Variants in PPFIBP1 observed in about 807,000 individuals in gnomAD.
PPFIBP1 encodes liprin-beta-1.
Under a neutral mutation model 137.8 loss-of-function variants are expected in PPFIBP1, and 112 were observed. That is an observed-to-expected ratio of 0.81 (90% confidence interval 0.70 to 0.95). The LOEUF is 0.95. Ranked by LOEUF, PPFIBP1 falls within the 40% of genes least tolerant of loss-of-function variation. The probability of loss-of-function intolerance (pLI) is 0.00; values close to 1 mark genes in which losing one functional copy is unlikely to be tolerated. For synonymous variants in PPFIBP1, 378 were observed against 417.3 expected, an observed-to-expected ratio of 0.91 and a Z score of 1.15; for missense variants, 1,083 against 1,196.6, an observed-to-expected ratio of 0.91 and a Z score of 1.40.
chr12:27,674,053 G>T, intron 16 of PPFIBP1, 139 bp from the exon 17 acceptor site: 1 of 848,732 alleles, frequency 1.2e-6, no homozygotes, highest in Non-Finnish European at 1.8e-6. Context: ...AAAACATTTT[G>T]GAAAATAAAC....
At chr12:27,639,854 G>A (rs1269891850) in intron 4 of PPFIBP1, among the ~76,000 whole-genome samples, 1 of 152,096 alleles carries the variant, frequency 6.6e-6, no homozygotes, top group Non-Finnish European at 1.5e-5. Flanking sequence ...CTCTCTGCAG[G>A]GCTGCTGGCT....
At chr12:27,578,456 G>T (rs1460350915) in intron 2 of PPFIBP1, among the ~76,000 whole-genome samples, 10 of 152,164 alleles carry the variant, frequency 6.6e-5, no homozygotes, top group Admixed American at 3.3e-4. Context: ...TTTAGACGCG[G>T]TGTGGCAGGC....
chr12:27,555,901 A>G (rs1169647444), intron 1 of PPFIBP1, among the ~76,000 whole-genome samples: 1 of 152,198 alleles, frequency 6.6e-6, no homozygotes, highest in African/African-American at 2.4e-5. Flanking sequence ...GACTTTGCAT[A>G]AAAAAAGCAA....
chr12:27,597,130 T>C (rs2053407868), intron 2 of PPFIBP1, among the ~76,000 whole-genome samples: 1 of 152,248 alleles, frequency 6.6e-6, no homozygotes, highest in African/African-American at 2.4e-5. Flanking sequence ...ATGGTGTCCA[T>C]ATTTGGGGCA....
chr12:27,646,095 T>C lies in PPFIBP1; in HGVS notation c.304T>C (p.Tyr102His), dbSNP rs373923026. 32 of 1,611,850 alleles carry C rather than the reference T, an allele frequency of 2.0e-5. No homozygotes were observed. Among genetic ancestry groups the C allele is most frequent in the Admixed American group, 6.7e-5 (4 of 59,996 alleles). ...NGHLPGNGDV[Y>H]QERLARLEND... Reference sequence around the variant, plus strand: ...ACACCTACCAGGGAACGGAGATGTGTATCAAGAAAGGCTGGCACGTTTAGA... The same window carrying C: ...ACACCTACCAGGGAACGGAGATGTGCATCAAGAAAGGCTGGCACGTTTAGA... The change falls in exon 5 of 30, where the codon TAT (tyrosine) becomes CAT (histidine). Residue 102 changes from tyrosine (Y) to histidine (H), a missense_variant. By Grantham distance (83) the Tyr-to-His change is moderately conservative. Transcript: ENST00000228425.
intron 1 of PPFIBP1, among the ~76,000 whole-genome samples, chr12:27,576,383 A>G (rs1422861800): frequency 2.0e-5 from 3 of 152,108 alleles, no homozygotes; most frequent in Non-Finnish European, 4.4e-5. Context: ...GAAACCCGCC[A>G]TGTCTTGTTC....
rs114239986 is a variant in PPFIBP1, at chr12:27,664,709, A to G, written c.991+263A>G. On this transcript the variant is annotated intron_variant, in intron 12 of 29. Coordinates refer to ENST00000228425, the MANE Select transcript of PPFIBP1 (RefSeq NM_003622.4). Reference sequence around the variant, plus strand: ...TCCAGAGAGAGAAAAACGACAGTATATGCAGAGAGCCTAGGGGGAAAAGAA... The same window carrying G: ...TCCAGAGAGAGAAAAACGACAGTATGTGCAGAGAGCCTAGGGGGAAAAGAA... Among the ~76,000 whole-genome samples, 390 of 152,354 alleles carry G rather than the reference A, an allele frequency of 2.6e-3. 3 individuals carry two copies. The highest frequency in any genetic ancestry group is 9.1e-3 in the African/African-American group (377 of 41,582).
At chr12:27,658,027 T>C (rs949134505) in intron 9 of PPFIBP1, among the ~76,000 whole-genome samples, 9 of 151,588 alleles carry the variant, frequency 5.9e-5, no homozygotes, top group African/African-American at 1.5e-4. Context: ...TCCCACCTAC[T>C]TGGGAGGCTG....
At chr12:27,543,883 T>A (rs1400108598) in intron 1 of PPFIBP1, among the ~76,000 whole-genome samples, 1 of 142,378 alleles carries the variant, frequency 7.0e-6, no homozygotes, top group Non-Finnish European at 1.5e-5. Flanking sequence ...GCCCCTGCTT[T>A]TTTTTTTTTT....
At position 27,672,167 on chromosome 12, in the gene PPFIBP1, G is replaced by C. The variant is rs190628943; in HGVS notation, c.1263-260G>C. Among the ~76,000 whole-genome samples the C allele has an allele frequency of 5.5e-3, 836 of 152,322 alleles. 7 individuals are homozygous for C. The highest frequency in any genetic ancestry group is 0.019 in the African/African-American group (809 of 41,574). ...TGTAAACTAAATAGTCACAGTCACG[G>C]GCTGTAAGTGTGTTTGAAGGATGGG... is the stretch of plus-strand genomic sequence containing the variant. On this transcript the variant is annotated intron_variant, in intron 14 of 29. Coordinates refer to ENST00000228425, the MANE Select transcript of PPFIBP1 (RefSeq NM_003622.4).
At chr12:27,620,200 A>G (rs1380402676) in intron 2 of PPFIBP1, among the ~76,000 whole-genome samples, 1 of 152,168 alleles carries the variant, frequency 6.6e-6, no homozygotes, top group Non-Finnish European at 1.5e-5. Flanking sequence ...AGATCATGTC[A>G]TTCCTTGGCT....
intron 1 of PPFIBP1, among the ~76,000 whole-genome samples, chr12:27,558,868 A>C (rs1177245605): frequency 6.6e-6 from 1 of 151,316 alleles, no homozygotes; most frequent in Non-Finnish European, 1.5e-5. Context: ...TTTTCTTTTT[A>C]TTTATTTTTA....
chr12:27,642,860 T>C (rs1220139838), intron 4 of PPFIBP1, among the ~76,000 whole-genome samples: 1 of 151,738 alleles, frequency 6.6e-6, no homozygotes, highest in Non-Finnish European at 1.5e-5. Flanking sequence ...AAAGTAGAAG[T>C]GGAATGATGA....
intron 2 of PPFIBP1, among the ~76,000 whole-genome samples, chr12:27,594,401 C>T (rs754027125): frequency 2.6e-5 from 4 of 152,170 alleles, no homozygotes; most frequent in Non-Finnish European, 5.9e-5. Flanking sequence ...TGGTTTTGAA[C>T]TCCTCACCTC....
chr12:27,561,502 C>T (rs1469842175), intron 1 of PPFIBP1, among the ~76,000 whole-genome samples: 1 of 152,182 alleles, frequency 6.6e-6, no homozygotes, highest in Non-Finnish European at 1.5e-5. Flanking sequence ...TTTTGATCTT[C>T]TATTTTGTAT....
intron 1 of PPFIBP1, among the ~76,000 whole-genome samples, chr12:27,560,146 C>T (rs1467327705): frequency 6.6e-6 from 1 of 152,184 alleles, no homozygotes; most frequent in African/African-American, 2.4e-5. Context: ...GCTTTTTCGT[C>T]TTTGAAATGC....
chr12:27,524,529 G>C (rs570734460), intron 1 of PPFIBP1, among the ~76,000 whole-genome samples, 164 bp downstream of exon 1: 1 of 151,732 alleles, frequency 6.6e-6, no homozygotes, highest in South Asian at 2.1e-4. Context: ...GGTGGGGGTG[G>C]AGGGGTAGGG....
chr12:27,531,963 C>A (rs1592280125), intron 1 of PPFIBP1, among the ~76,000 whole-genome samples: 1 of 151,930 alleles, frequency 6.6e-6, no homozygotes, highest in Non-Finnish European at 1.5e-5. Flanking sequence ...GATTAGAATC[C>A]CCTGTTGTTA....
chr12:27,655,109 G>A lies in PPFIBP1; in HGVS notation c.696+295G>A, dbSNP rs1344928131. 4.9e-6 allele frequency: 7 copies of A among 1,416,562 alleles called. No homozygotes were observed. In the Admixed American group the frequency reaches 9.9e-5, roughly 20 times the overall value. 87.7% of individuals were successfully genotyped at this position (1,416,562 alleles called of 1,614,324 possible). A position where few individuals can be genotyped will look rare whatever the true frequency, so the allele number is the denominator to read the frequency against. On this transcript the variant is annotated intron_variant, in intron 8 of 29. Transcript: ENST00000228425. ...TTATTTAGCTTGTCTTTTTCTATCT[G>A]TAGTTTTCTTTCACTCCTCTGTCTC...
Sources: gnomAD v4.1 joint callset for allele counts (sites outside exome capture counted in the v4.1 genomes callset) on GRCh38, gnomAD v4.1.1 for gene constraint, MANE v1.5 for transcripts, NCBI Gene and HGNC (gene_info 2026-07-23, HGNC 2026-07-21) for gene names.